Variants in SLC6A12 observed in about 807,000 individuals in gnomAD.
SLC6A12 encodes sodium- and chloride-dependent betaine transporter.
Under a neutral mutation model 73.3 loss-of-function variants are expected in SLC6A12, and 50 were observed. That is an observed-to-expected ratio of 0.68 (90% confidence interval 0.54 to 0.86). The LOEUF (loss-of-function observed/expected upper bound fraction) is 0.86. Ranked by LOEUF, SLC6A12 falls within the 40% of genes least tolerant of loss-of-function variation. The pLI is 0.00. For missense variants in SLC6A12, 648 were observed against 772.8 expected (o/e 0.84, Z 1.92); for synonymous variants, 304 against 309.2 (o/e 0.98, Z 0.18).
chr12:197,109 C>T, intron 10 of SLC6A12, among the ~76,000 whole-genome samples: 1 of 63,518 alleles, frequency 1.6e-5, no homozygotes, highest in Admixed American at 1.8e-4. Flanking sequence ...ATCCATCCAT[C>T]CATCCATCCA....
chr12:202,080 C>T (rs1421209478), intron 5 of SLC6A12, among the ~76,000 whole-genome samples: 1 of 152,156 alleles, frequency 6.6e-6, no homozygotes, highest in Non-Finnish European at 1.5e-5. Flanking sequence ...CAACCTCAGA[C>T]AGTATCCAGA....
intron 12 of SLC6A12, 23 bp from the exon 13 acceptor site, chr12:195,350 G>T: frequency 6.7e-7 from 1 of 1,484,694 alleles, no homozygotes; most frequent in Admixed American, 1.7e-5. Flanking sequence ...CGTGGAGCTG[G>T]GGCATGGCCA....
At chr12:187,610 A>G (rs1939457109), downstream of SLC6A12, among the ~76,000 whole-genome samples, 1 of 15,824 alleles carries the variant, frequency 6.3e-5, no homozygotes, top group African/African-American at 9.6e-5. Flanking sequence ...AAAAAAAAAA[A>G]AAAAAAAAAA....
intron 14 of SLC6A12, 95 bp downstream of exon 14, chr12:193,182 T>C: frequency 1.1e-6 from 1 of 872,770 alleles, no homozygotes. Flanking sequence ...ACTGGACAGG[T>C]GGGGAAAGAG....
At chr12:201,530 T>G in intron 6 of SLC6A12, 3 of 521,350 alleles carry the variant, frequency 5.8e-6, no homozygotes, top group East Asian at 3.4e-5. Context: ...GAGGTAGGGA[T>G]GTGGGGCTGA....
At chr12:201,702 T>G in intron 6 of SLC6A12, 60 bp downstream of exon 6, 1 of 1,352,650 alleles carries the variant, frequency 7.4e-7, no homozygotes, top group Non-Finnish European at 1.1e-6. Context: ...ACATTCAGAC[T>G]TGCACAGCTC....
Position 196,073 on chromosome 12 carries a change from C to T in SLC6A12, c.1326+51G>A, listed in dbSNP as rs368196457. ...TCTGAGCAGGGTCAGCAGTGTCCCCCGTGGCTCCCTCCCCTGGAGCCTGGC... is the reference window on the plus strand; with the variant it reads ...TCTGAGCAGGGTCAGCAGTGTCCCCTGTGGCTCCCTCCCCTGGAGCCTGGC... On this transcript the variant is annotated intron_variant, in intron 12 of 15. Transcript: ENST00000684302. The T allele has an allele frequency of 4.7e-4, 718 of 1,534,062 alleles. 3 individuals carry two copies. The South Asian group carries it at 4.9e-3, about 10-fold the overall frequency.
rs532848819 is a variant in SLC6A12, at chr12:214,157, T to C, written c.-378A>G. 2 of 152,682 alleles carry C rather than the reference T, an allele frequency of 1.3e-5. No individual in the cohort carries two copies. The highest frequency in any genetic ancestry group is 4.8e-5 in the African/African-American group (2 of 41,540). 9.5% of individuals were successfully genotyped at this position (152,682 alleles called of 1,614,324 possible). ...TATGTGTTGGGGCGGGGGCTGTGTGTGTTGGGGAGTGAAAGGACAGAGAAA... is the reference window on the plus strand; with the variant it reads ...TATGTGTTGGGGCGGGGGCTGTGTGCGTTGGGGAGTGAAAGGACAGAGAAA... On this transcript the variant is annotated 5_prime_UTR_variant, in exon 1 of 16. Transcript: ENST00000684302. This position sits in a 1 kb window ranked among gnomAD's most constrained non-coding sequence, Gnocchi z 4.2.
Position 195,295 on chromosome 12 carries a change from G to C in SLC6A12, c.1359C>G (p.Tyr453Ter), listed in dbSNP as rs1330527149. ...GCAGGCATATGCCACTGGAAGCATA[G>C]TAGTCAAACAGCTGGAAGATGTACA... ...GGMYIFQLFD[Y>*]YASSGICLLF... The change falls in exon 13 of 16, where the codon TAC becomes TAG. Residue 453 changes from tyrosine to a stop codon, truncating the protein, a stop_gained. Transcript: ENST00000684302. LOFTEE classifies it high-confidence loss of function. 1 of 1,613,400 alleles carries C rather than the reference G, an allele frequency of 6.2e-7. No homozygotes were observed. The highest frequency in any genetic ancestry group is 1.7e-5 in the Admixed American group (1 of 60,024).
rs1468937523 is a variant in SLC6A12 at position 210,009 on chromosome 12, C to G, written c.-23G>C. 1 of 1,611,906 alleles carries G rather than the reference C, an allele frequency of 6.2e-7. No homozygotes were observed. The highest frequency in any genetic ancestry group is 1.7e-5 in the Admixed American group (1 of 59,970). On this transcript the variant is annotated 5_prime_UTR_variant, in exon 3 of 16. Transcript: ENST00000684302. ...CATGGCTGTGTGGTGGGTTGGGAAG[C>G]CCCGCTGGGTGGGCAGGATGACGAG...
At chr12:193,930 G>A (rs1939742411) in intron 13 of SLC6A12, 1 of 152,264 alleles carries the variant, frequency 6.6e-6, no homozygotes, top group South Asian at 2.1e-4. Context: ...AACATTGACT[G>A]GCTGTATTTT....
intron 14 of SLC6A12, 43 bp from the exon 15 acceptor site, chr12:192,691 C>A: frequency 1.3e-6 from 2 of 1,582,980 alleles, no homozygotes; most frequent in African/African-American, 1.3e-5. Flanking sequence ...TAGGGGGCGA[C>A]TGAAACCCTC....
At chr12:187,693 TC>T (rs1355290101), downstream of SLC6A12, among the ~76,000 whole-genome samples, 1 of 144,564 alleles carries the variant, frequency 6.9e-6, no homozygotes, top group Middle Eastern at 3.6e-3. Flanking sequence ...CACTAGGGCC[TC>T]CGGCAGCCTG....
At chr12:200,381 T>G (rs944574429) in intron 7 of SLC6A12, among the ~76,000 whole-genome samples, 8 of 152,210 alleles carry the variant, frequency 5.3e-5, no homozygotes, top group Non-Finnish European at 5.9e-5. Flanking sequence ...GTGCTGGGAT[T>G]ACAGGCGTGA....
intron 10 of SLC6A12, among the ~76,000 whole-genome samples, chr12:197,170 CA>C (rs1939942251): frequency 4.5e-5 from 2 of 44,794 alleles, no homozygotes; most frequent in Non-Finnish European, 4.8e-5. Flanking sequence ...TCCATCCATC[CA>C]TCCATCCATC....
Position 200,751 on chromosome 12 carries a change from T to C in SLC6A12, c.611A>G (p.His204Arg). Residue 204 changes from histidine to arginine, a missense_variant, in exon 7 of 16, where the codon CAT (histidine) becomes CGT (arginine). Coordinates refer to ENST00000684302, the MANE Select transcript of SLC6A12 (RefSeq NM_001122848.3). ...CTCCCAGCGCAGGGAGCCCAGGTCA[T>C]GGATGCCCGAGGTGATGCCCAGAAC... ...RRVLGITSGI[H>R]DLGSLRWELA... The C allele has an allele frequency of 1.2e-6, 2 of 1,614,036 alleles. No homozygotes were observed. The highest frequency in any genetic ancestry group is 1.7e-6 in the Non-Finnish European group (2 of 1,179,984).
In SLC6A12 at chr12:192,469, A is replaced by G; in HGVS notation, c.1701+9T>C. 1 of 1,613,304 alleles carries G rather than the reference A, an allele frequency of 6.2e-7. No homozygotes were observed. Among genetic ancestry groups the G allele is most frequent in the African/African-American group, 1.3e-5 (1 of 74,900 alleles). On this transcript the variant is annotated intron_variant, in intron 15 of 15. Transcript: ENST00000684302. ...CCTTTAAGAGGTCACTCTCCCCTAC[A>G]CCACCTACCTTCCTGAAAGGACCCC...
chr12:195,133 A>G (rs12318264), intron 13 of SLC6A12, 92 bp downstream of exon 13: 23,544 of 784,580 alleles, frequency 0.03, 1,122 homozygotes, highest in South Asian at 0.15. Context: ...CCAGGGGACC[A>G]GAGAACGGCC....
chr12:193,823 C>T (rs1939738007), intron 13 of SLC6A12: 1 of 155,314 alleles, frequency 6.4e-6, no homozygotes, highest in Admixed American at 6.3e-5. Context: ...TAGAGGGCTA[C>T]TGGGAACAGA....
Sources: gnomAD v4.1 joint callset for allele counts (sites outside exome capture counted in the v4.1 genomes callset) on GRCh38, gnomAD v4.1.1 for gene constraint, Gnocchi (gnomAD v3.1) non-coding constraint, MANE v1.5 for transcripts, NCBI Gene and HGNC (gene_info 2026-07-23, HGNC 2026-07-21) for gene names.